JAG1: variants seen among roughly 807,000 people sequenced by gnomAD.
JAG1 encodes jagged canonical Notch ligand 1, also known as protein jagged-1.
Under a neutral mutation model 148.7 loss-of-function variants are expected in JAG1, and 23 were observed. That is an observed-to-expected ratio of 0.15 (90% CI 0.11 to 0.22). The LOEUF (loss-of-function observed/expected upper bound fraction) is 0.22. Among genes scored for constraint, JAG1 ranks in the 10% least tolerant of loss-of-function variants. The pLI, the probability that JAG1 is intolerant of heterozygous loss-of-function variation, is 1.00. For missense variants in JAG1, 1,054 were observed against 1,611.2 expected, an observed-to-expected ratio of 0.65 and a Z score of 5.92; for synonymous variants, 572 against 598.3, an observed-to-expected ratio of 0.96 and a Z score of 0.64.
Position 10,639,493 on chromosome 20 carries a change from G to A in JAG1, c.*5C>T, listed in dbSNP as rs2067255029. 6.2e-7 allele frequency: 1 copy of A among 1,613,552 alleles called. No individual in the cohort carries two copies. The highest frequency in any genetic ancestry group is 8.5e-7 in the Non-Finnish European group (1 of 1,179,458). ...CTACCTAGCGGCGGCAGTGCCCGCG[G>A]TCTGCTATACGATGTACTCCATTCG... On this transcript the variant is annotated 3_prime_UTR_variant, in exon 26 of 26. Coordinates refer to ENST00000254958, the MANE Select transcript of JAG1 (RefSeq NM_000214.3).
chr20:10,653,520 T>C (rs2122616370), intron 5 of JAG1, among the ~76,000 whole-genome samples: 1 of 136,118 alleles, frequency 7.3e-6, no homozygotes, highest in Admixed American at 8.4e-5. Context: ...AGCCAAGCTT[T>C]AACAAGGGTG....
intron 2 of JAG1, among the ~76,000 whole-genome samples, chr20:10,672,221 C>T (rs372146317): frequency 9.2e-5 from 14 of 152,320 alleles, no homozygotes; most frequent in African/African-American, 2.6e-4. Flanking sequence ...TCCCCCACAC[C>T]CTCCAGGAAG....
In JAG1 at chr20:10,639,599, G is replaced by C. The variant is rs779605827; in HGVS notation, c.3556C>G (p.Pro1186Ala). The change falls in exon 26 of 26, where the codon CCC becomes GCC. Residue 1186 changes from proline to alanine, a missense_variant. By Grantham distance (27) the Pro-to-Ala change is conservative. Coordinates refer to ENST00000254958, the MANE Select transcript of JAG1 (RefSeq NM_000214.3). The part of the protein sequence containing the change: ...YTLVDREEKP[P>A]NGTPTKHPNW... ...GGGTGTTTTGTCGGCGTGCCGTTGGGGGGCTTCTCTTCTCTGTCTACCAGC... is the reference window on the plus strand; with the variant it reads ...GGGTGTTTTGTCGGCGTGCCGTTGGCGGGCTTCTCTTCTCTGTCTACCAGC... 1.2e-6 allele frequency: 2 copies of C among 1,614,188 alleles called. No homozygotes were observed. The highest frequency in any genetic ancestry group is 4.5e-5 in the East Asian group (2 of 44,884).
intron 25 of JAG1, 125 bp downstream of exon 25, chr20:10,640,658 G>T: frequency 1.0e-6 from 1 of 1,003,758 alleles, no homozygotes; most frequent in Non-Finnish European, 1.6e-6. Flanking sequence ...TCAGTTCTCA[G>T]TTAAATTGGG....
intron 6 of JAG1, 92 bp downstream of exon 6, chr20:10,652,376 A>G (rs756598880): frequency 3.1e-6 from 5 of 1,597,428 alleles, no homozygotes; most frequent in Non-Finnish European, 4.3e-6. Flanking sequence ...AGGAGAATTC[A>G]GAATAAAAGC....
intron 21 of JAG1, 138 bp from the exon 22 acceptor site, chr20:10,642,030 G>T: frequency 1.4e-6 from 1 of 727,556 alleles, no homozygotes; most frequent in Non-Finnish European, 2.5e-6. Context: ...AACAGCATGT[G>T]TACTTCCTGC....
chr20:10,673,238 C>G lies in JAG1; in HGVS notation c.81+212G>C, dbSNP rs2067510857. On this transcript the variant is annotated intron_variant, in intron 1 of 25. Coordinates refer to ENST00000254958, the MANE Select transcript of JAG1 (RefSeq NM_000214.3). This position sits in a 1 kb window ranked among gnomAD's most constrained non-coding sequence, Gnocchi z 4.7. ...CCGGGGGGCAACAGCGGAGCGAACG[C>G]GCCCCTGTCCGGCCTGGAGGGGTCA... Among the ~76,000 whole-genome samples, 1 of 151,574 alleles carries G rather than the reference C, an allele frequency of 6.6e-6. No individual in the cohort carries two copies. Among genetic ancestry groups the G allele is most frequent in the Non-Finnish European group, 1.5e-5 (1 of 67,980 alleles).
chr20:10,641,291 GAAC>G (rs751324750), intron 23 of JAG1, 47 bp from the exon 24 acceptor site: 22 of 1,598,328 alleles, frequency 1.4e-5, no homozygotes, highest in Non-Finnish European at 1.7e-5. Flanking sequence ...TTGAGAGGAA[GAAC>G]AAAAGGCTGA....
Position 10,644,276 on chromosome 20 carries a change from TCACACACA to T in JAG1, c.2372+73_2372+80del, listed in dbSNP as rs33967297. ...TTTAAACACAATCCCTGGGTGATTCTCACACACACACACACACACACACACACACACAC... is the reference window on the plus strand; with the variant it reads ...TTTAAACACAATCCCTGGGTGATTCTCACACACACACACACACACACACAC... On this transcript the variant is annotated intron_variant, in intron 19 of 25. Transcript: ENST00000254958. The T allele has an allele frequency of 4.1e-3, 3,661 of 884,246 alleles. 15 individuals are homozygous for T. The highest frequency in any genetic ancestry group is 0.018 in the African/African-American group (1,023 of 56,850). 54.8% of individuals were successfully genotyped at this position (884,246 alleles called of 1,614,324 possible). A position where few individuals can be genotyped will look rare whatever the true frequency, so the allele number is the denominator to read the frequency against.
At chr20:10,665,421 A>G (rs973784502) in intron 2 of JAG1, among the ~76,000 whole-genome samples, 1 of 152,246 alleles carries the variant, frequency 6.6e-6, no homozygotes, top group African/African-American at 2.4e-5. Context: ...AAGCCAGGGC[A>G]CATACCCAGC....
At chr20:10,668,195 T>C (rs1010006858) in intron 2 of JAG1, among the ~76,000 whole-genome samples, 2 of 151,346 alleles carry the variant, frequency 1.3e-5, no homozygotes, top group Non-Finnish European at 2.9e-5. Context: ...CCCAGTGCCA[T>C]GCACCAAAGT....
chr20:10,664,373 A>AACAAAC (rs2067437879), intron 2 of JAG1, among the ~76,000 whole-genome samples: 1 of 144,594 alleles, frequency 6.9e-6, no homozygotes. Context: ...TGCATGAGGA[A>AACAAAC]ACACACACAC....
At chr20:10,667,049 A>C (rs1007324451) in intron 2 of JAG1, among the ~76,000 whole-genome samples, 1 of 152,258 alleles carries the variant, frequency 6.6e-6, no homozygotes, top group Non-Finnish European at 1.5e-5. Context: ...GGGGGGATGT[A>C]AGAAACAAAG....
chr20:10,669,600 C>A (rs2067482198), intron 2 of JAG1, among the ~76,000 whole-genome samples: 2 of 102,066 alleles, frequency 2.0e-5, no homozygotes, highest in Non-Finnish European at 3.8e-5. Flanking sequence ...TTGATCTCAG[C>A]AAGTCTTTTA....
chr20:10,665,993 G>T (rs1211059112), intron 2 of JAG1, among the ~76,000 whole-genome samples: 1 of 152,180 alleles, frequency 6.6e-6, no homozygotes, highest in Non-Finnish European at 1.5e-5. Context: ...ATTGCACACA[G>T]CCCTACGTGC....
In JAG1 at chr20:10,673,200, A is replaced by T. The variant is rs533535119; in HGVS notation, c.82-194T>A. 1.5e-4 allele frequency among the ~76,000 whole-genome samples: 23 copies of T among 150,358 alleles called. No individual in the cohort carries two copies. In the East Asian group the frequency reaches 4.1e-3, roughly 27 times the overall value. On this transcript the variant is annotated intron_variant, in intron 1 of 25. Coordinates refer to ENST00000254958, the MANE Select transcript of JAG1 (RefSeq NM_000214.3). This position sits in a 1 kb window ranked among gnomAD's most constrained non-coding sequence, Gnocchi z 4.7. ...AAAAAAATGCACGAGTGCGGAAGAA[A>T]TCCGACGACTTCCCGGGGGGCAACA...
At chr20:10,641,391 G>A (rs767082747) in intron 23 of JAG1, 69 bp downstream of exon 23, 2 of 1,521,676 alleles carry the variant, frequency 1.3e-6, no homozygotes, top group Admixed American at 1.7e-5. Flanking sequence ...CCTAGCTCAT[G>A]GCATTCCTCC....
chr20:10,645,555 C>T lies in JAG1; in HGVS notation c.2000-86G>A, dbSNP rs892527329. ...AGAGCCAAGCCTTTCCTACTGCTTA[C>T]ATCCAACATCCTATTCTGAGAACAG... On this transcript the variant is annotated intron_variant, in intron 15 of 25. Transcript: ENST00000254958. The surrounding 1 kb of genome is among the most constrained non-coding windows in gnomAD (Gnocchi z 6.1). The T allele has an allele frequency of 2.0e-6, 2 of 988,638 alleles. No homozygotes were observed. The highest frequency in any genetic ancestry group is 1.3e-5 in the South Asian group (1 of 78,052). 61.2% of individuals were successfully genotyped at this position (988,638 alleles called of 1,614,324 possible).
chr20:10,645,088 A>G lies in JAG1; in HGVS notation c.2227+55T>C. 2 of 1,520,214 alleles carry G rather than the reference A, an allele frequency of 1.3e-6. No homozygotes were observed. The highest frequency in any genetic ancestry group is 1.8e-6 in the Non-Finnish European group (2 of 1,094,338). 94.2% of individuals were successfully genotyped at this position (1,520,214 alleles called of 1,614,324 possible). ...TCATAAGCTCCAGGGGCCAACCAGCAGACACGCCCAGGTGGCCATGCCCAC... is the reference window on the plus strand; with the variant it reads ...TCATAAGCTCCAGGGGCCAACCAGCGGACACGCCCAGGTGGCCATGCCCAC... On this transcript the variant is annotated intron_variant, in intron 17 of 25. Coordinates refer to ENST00000254958, the MANE Select transcript of JAG1 (RefSeq NM_000214.3). The surrounding 1 kb of genome is among the most constrained non-coding windows in gnomAD (Gnocchi z 6.1).
Sources: gnomAD v4.1 joint callset for allele counts (sites outside exome capture counted in the v4.1 genomes callset) on GRCh38, gnomAD v4.1.1 for gene constraint, Gnocchi (gnomAD v3.1) non-coding constraint, MANE v1.5 for transcripts, NCBI Gene and HGNC (gene_info 2026-07-23, HGNC 2026-07-21) for gene names.